The following FREM3 variants were observed in gnomAD, a reference collection of about 807,000 sequenced individuals.
FREM3 encodes the protein FRAS1-related extracellular matrix protein 3.
In FREM3, 105 loss-of-function variants were observed where a neutral mutation model predicts 129.1. That is an observed-to-expected ratio of 0.81 (90% CI 0.69 to 0.96). The LOEUF is 0.96. Among genes scored for constraint, FREM3 ranks in the 40% least tolerant of loss-of-function variants. The pLI, the probability that FREM3 is intolerant of heterozygous loss-of-function variation, is 0.00. For synonymous variants in FREM3, 1,014 were observed against 1,044.9 expected, an observed-to-expected ratio of 0.97 and a Z score of 0.57; for missense variants, 2,593 against 2,666.3, an observed-to-expected ratio of 0.97 and a Z score of 0.61.
chr4:143,633,088 G>A (rs950046023), intron 2 of FREM3, among the ~76,000 whole-genome samples: 1 of 152,164 alleles, frequency 6.6e-6, no homozygotes, highest in African/African-American at 2.4e-5. Flanking sequence ...ATATTTTGGT[G>A]AGGGTTGCAG....
In FREM3 at chr4:143,585,734, TTTCA is replaced by T; in HGVS notation, c.6178+106_6178+109del. ...ATCTACGTGCTGAAGCCAGAGAAAC[TTTCA>T]TTCAGAGTCCATCAACAAAGACTAA... On this transcript the variant is annotated intron_variant, in intron 7 of 7. Transcript: ENST00000329798. This position sits in a 1 kb window ranked among gnomAD's most constrained non-coding sequence, Gnocchi z 4.2. 1 of 1,135,044 alleles carries T rather than the reference TTTCA, an allele frequency of 8.8e-7. No individual in the cohort carries two copies. The highest frequency in any genetic ancestry group is 1.2e-6 in the Non-Finnish European group (1 of 823,540). 70.3% of individuals were successfully genotyped at this position (1,135,044 alleles called of 1,614,324 possible).
At chr4:143,671,942 A>G (rs980695102) in intron 2 of FREM3, among the ~76,000 whole-genome samples, 4 of 152,204 alleles carry the variant, frequency 2.6e-5, no homozygotes, top group Non-Finnish European at 4.4e-5. Flanking sequence ...TTTTATAGTC[A>G]AGCACTGGGG....
chr4:143,612,826 G>T (rs542088637), intron 5 of FREM3, among the ~76,000 whole-genome samples: 1 of 152,196 alleles, frequency 6.6e-6, no homozygotes, highest in Non-Finnish European at 1.5e-5. Flanking sequence ...TACCAGATAA[G>T]AAGTTTTTGA....
At position 143,697,500 on chromosome 4, in the gene FREM3, T is replaced by C. The variant is rs1362481182; in HGVS notation, c.3176A>G (p.Gln1059Arg). The change falls in exon 1 of 8, where the codon CAA becomes CGA. Residue 1059 changes from glutamine to arginine, a missense_variant. By Grantham distance (43) the Gln-to-Arg change is conservative. Transcript: ENST00000329798. ...GNSIIEKVQV[Q>R]VTVLPVDNVG... ...ATTGTCCACAGGCAGCACAGTTACT[T>C]GTACCTGTACTTTCTCTATTATGCT... 6.5e-6 allele frequency: 10 copies of C among 1,537,076 alleles called. No homozygotes were observed. The highest frequency in any genetic ancestry group is 8.7e-6 in the Non-Finnish European group (10 of 1,146,714).
chr4:143,584,807 C>G (rs1738209662), intron 7 of FREM3, among the ~76,000 whole-genome samples: 1 of 152,148 alleles, frequency 6.6e-6, no homozygotes, highest in African/African-American at 2.4e-5. Flanking sequence ...CACTCTCCAC[C>G]CAAAACCAAC....
Position 143,601,484 on chromosome 4 carries a change from G to A in FREM3, c.6028+9795C>T, listed in dbSNP as rs898348969. Among the ~76,000 whole-genome samples the A allele has an allele frequency of 3.3e-5, 5 of 152,206 alleles. No homozygotes were observed. The East Asian group carries it at 7.7e-4, about 24-fold the overall frequency. Reference sequence around the variant, plus strand: ...CAGGTTACTAGAGTTCTCAAATCACGTACTAAAAATTGAAAGAAAGTCTTT... The same window carrying A: ...CAGGTTACTAGAGTTCTCAAATCACATACTAAAAATTGAAAGAAAGTCTTT... On this transcript the variant is annotated intron_variant, in intron 6 of 7. Transcript: ENST00000329798.
Position 143,668,730 on chromosome 4 carries a change from A to G in FREM3, c.5275+24383T>C, listed in dbSNP as rs143160705. Among the ~76,000 whole-genome samples, 321 of 152,308 alleles carry G rather than the reference A, an allele frequency of 2.1e-3. 2 individuals are homozygous for G. Among genetic ancestry groups the G allele is most frequent in the African/African-American group, 7.5e-3 (312 of 41,572 alleles). On this transcript the variant is annotated intron_variant, in intron 2 of 7. Coordinates refer to ENST00000329798, the MANE Select transcript of FREM3 (RefSeq NM_001168235.2). ...TATCCACCCCATGCTTCATACATATATTTTGTTTCTCTGCCAATTTCTCAT... is the reference window on the plus strand; with the variant it reads ...TATCCACCCCATGCTTCATACATATGTTTTGTTTCTCTGCCAATTTCTCAT...
At chr4:143,665,947 C>A (rs1018266243) in intron 2 of FREM3, among the ~76,000 whole-genome samples, 1 of 152,094 alleles carries the variant, frequency 6.6e-6, no homozygotes, top group Non-Finnish European at 1.5e-5. Flanking sequence ...CACTATCAAT[C>A]CAGCACATTT....
intron 5 of FREM3, among the ~76,000 whole-genome samples, chr4:143,613,184 C>G (rs1459327167): frequency 6.6e-6 from 1 of 152,188 alleles, no homozygotes; most frequent in East Asian, 1.9e-4. Flanking sequence ...AACAAATTGA[C>G]TGTTTCGTTA....
chr4:143,694,091 C>T (rs1740524100), intron 1 of FREM3, among the ~76,000 whole-genome samples: 1 of 152,130 alleles, frequency 6.6e-6, no homozygotes, highest in Non-Finnish European at 1.5e-5. Flanking sequence ...GTACAACAGA[C>T]CAGCATGACA....
chr4:143,673,892 AT>A (rs1463366033), intron 2 of FREM3, among the ~76,000 whole-genome samples: 2 of 152,248 alleles, frequency 1.3e-5, no homozygotes, highest in African/African-American at 4.8e-5. Flanking sequence ...CCTCCGAGCC[AT>A]GCGCGGGATA....
At position 143,696,619 on chromosome 4, in the gene FREM3, C is replaced by G; in HGVS notation, c.4057G>C (p.Gly1353Arg). ...GGTTTTCTCAGCCTCTGTAGAAGCC[C>G]TTGTTGAGGCCCAGAATGGAGGACA... ...SFVLHSGPQQ[G>R]LLQRLRKPRG... Residue 1353 changes from glycine to arginine, a missense_variant, in exon 1 of 8, where the codon GGG (glycine) becomes CGG (arginine). Gly to Arg is a moderately radical substitution (Grantham distance 125). Around this residue, in one of 2 missense-constraint regions of FREM3, gnomAD observed 2,276 missense variants for 2,267.2 expected, o/e 1.00. Transcript: ENST00000329798. 1 of 1,537,728 alleles carries G rather than the reference C, an allele frequency of 6.5e-7. No individual in the cohort carries two copies. Among genetic ancestry groups the G allele is most frequent in the Non-Finnish European group, 8.7e-7 (1 of 1,147,028 alleles).
intron 2 of FREM3, among the ~76,000 whole-genome samples, chr4:143,646,481 A>T (rs1739418325): frequency 6.6e-6 from 1 of 152,144 alleles, no homozygotes; most frequent in South Asian, 2.1e-4. Flanking sequence ...AGAGGGAGAT[A>T]ATTGAATCAT....
At chr4:143,611,586 GC>G (rs1738756344) in intron 5 of FREM3, 59 bp from the exon 6 acceptor site, 1 of 1,458,830 alleles carries the variant, frequency 6.9e-7, no homozygotes, top group Non-Finnish European at 9.2e-7. Flanking sequence ...CAAACAAGAA[GC>G]CTGTCTGTTT....
chr4:143,617,869 G>A (rs1191553515), intron 5 of FREM3, among the ~76,000 whole-genome samples: 3 of 152,146 alleles, frequency 2.0e-5, no homozygotes, highest in Non-Finnish European at 2.9e-5. Context: ...GTGTGGTTGA[G>A]GCTGGACAGA....
At position 143,660,300 on chromosome 4, in the gene FREM3, A is replaced by G. The variant is rs533724144; in HGVS notation, c.5276-32540T>C. ...GGGATCCAGTTTCAGCTTTCTACATATGGCTAGCCAGTTTTCCCAGCACCA... is the reference window on the plus strand; with the variant it reads ...GGGATCCAGTTTCAGCTTTCTACATGTGGCTAGCCAGTTTTCCCAGCACCA... On this transcript the variant is annotated intron_variant, in intron 2 of 7. Coordinates refer to ENST00000329798, the MANE Select transcript of FREM3 (RefSeq NM_001168235.2). Among the ~76,000 whole-genome samples, 1,499 of 152,138 alleles carry G rather than the reference A, an allele frequency of 9.9e-3. 21 individuals are homozygous for G. Among genetic ancestry groups the G allele is most frequent in the African/African-American group, 0.035 (1,438 of 41,448 alleles).
At chr4:143,663,387 T>C (rs1182344638) in intron 2 of FREM3, among the ~76,000 whole-genome samples, 1 of 152,160 alleles carries the variant, frequency 6.6e-6, no homozygotes. Flanking sequence ...AAAATTCTTT[T>C]CTTTAAGAAT....
chr4:143,671,203 C>T (rs535574065), intron 2 of FREM3, among the ~76,000 whole-genome samples: 21 of 152,196 alleles, frequency 1.4e-4, no homozygotes, highest in South Asian at 6.2e-4. Context: ...ATGATTTGAT[C>T]ACCTATTATA....
Position 143,633,011 on chromosome 4 carries a change from T to C in FREM3, c.5276-5251A>G, listed in dbSNP as rs565995683. ...AAGCTTGTCACTTAGGCTTTGCCAA[T>C]GTAGCTTGAGACTTTGATTTAAAAG... On this transcript the variant is annotated intron_variant, in intron 2 of 7. Transcript: ENST00000329798. Among the ~76,000 whole-genome samples the C allele has an allele frequency of 3.3e-5, 5 of 152,300 alleles. No individual in the cohort carries two copies. The South Asian group carries it at 1.0e-3, about 32-fold the overall frequency.
Sources: allele counts gnomAD v4.1 joint callset (sites outside exome capture counted in the v4.1 genomes callset), GRCh38; gene constraint gnomAD v4.1.1; regional missense constraint gnomAD v4.1.1; non-coding constraint Gnocchi (gnomAD v3.1); transcripts MANE v1.5; gene names NCBI Gene and HGNC (gene_info 2026-07-23, HGNC 2026-07-21).